Variants in TPO observed in about 807,000 individuals in gnomAD.
TPO encodes thyroid peroxidase.
A neutral mutation model predicts 96.9 loss-of-function variants in TPO; 78 were observed. That is an observed-to-expected ratio of 0.81 (90% confidence interval 0.67 to 0.97). The LOEUF is 0.97. TPO is among the 50% of genes least tolerant of loss of function. The pLI, the probability that TPO is intolerant of heterozygous loss-of-function variation, is 0.00. For missense variants in TPO, 1,252 were observed against 1,274.8 expected (o/e 0.98, Z 0.27); for synonymous variants, 547 against 538.0 (o/e 1.02, Z -0.23).
At chr2:1,392,613 G>A (rs374075743) in intron 1 of TPO, among the ~76,000 whole-genome samples, 4 of 152,256 alleles carry the variant, frequency 2.6e-5, no homozygotes, top group Non-Finnish European at 5.9e-5. Context: ...GGTAGAATTC[G>A]GCTGTGAATC....
intron 5 of TPO, among the ~76,000 whole-genome samples, chr2:1,440,606 A>T (rs1247658636): frequency 6.6e-6 from 1 of 152,044 alleles, no homozygotes; most frequent in Non-Finnish European, 1.5e-5. Context: ...TCTTGTTTGT[A>T]TGAAGTGGTC....
chr2:1,486,962 C>G (rs573067343), intron 9 of TPO, among the ~76,000 whole-genome samples: 1 of 152,224 alleles, frequency 6.6e-6, no homozygotes, highest in Non-Finnish European at 1.5e-5. Flanking sequence ...CGATGCATGT[C>G]GTGATTTCTA....
chr2:1,478,672 C>T (rs1028871203), intron 8 of TPO, among the ~76,000 whole-genome samples: 4 of 152,240 alleles, frequency 2.6e-5, no homozygotes, highest in African/African-American at 9.6e-5. Context: ...CACACTTCTC[C>T]GGCAAGCACG....
chr2:1,539,095 TC>T (rs1396559530), intron 15 of TPO, among the ~76,000 whole-genome samples: 1 of 152,060 alleles, frequency 6.6e-6, no homozygotes, highest in East Asian at 1.9e-4. Context: ...AAACCTTACT[TC>T]CAGGCAAGGT....
intron 15 of TPO, among the ~76,000 whole-genome samples, chr2:1,533,017 CACT>C (rs1420437197): frequency 3.5e-4 from 39 of 110,278 alleles, no homozygotes; most frequent in African/African-American, 1.4e-3. Flanking sequence ...TCTAGTCCCC[CACT>C]GTGTGCACCC....
chr2:1,503,366 C>T (rs1278908660), intron 13 of TPO, among the ~76,000 whole-genome samples: 1 of 152,238 alleles, frequency 6.6e-6, no homozygotes, highest in Non-Finnish European at 1.5e-5. Context: ...AGCTTCTTTT[C>T]TAAAACTGGC....
chr2:1,375,475 C>T (rs950909882), intron 1 of TPO, among the ~76,000 whole-genome samples: 6 of 151,266 alleles, frequency 4.0e-5, no homozygotes, highest in Non-Finnish European at 7.4e-5. Flanking sequence ...GGGGAAAGAG[C>T]GAGCAGGAGG....
chr2:1,480,415 C>T (rs1459619412), intron 8 of TPO, among the ~76,000 whole-genome samples: 2 of 152,072 alleles, frequency 1.3e-5, no homozygotes, highest in Non-Finnish European at 2.9e-5. Context: ...ATTTTTCTCT[C>T]CCTGGTTCTA....
At chr2:1,502,764 G>A (rs1673003736) in intron 13 of TPO, among the ~76,000 whole-genome samples, 1 of 152,206 alleles carries the variant, frequency 6.6e-6, no homozygotes, top group Non-Finnish European at 1.5e-5. Context: ...GAAAGCCTGA[G>A]ATATCCCTGA....
chr2:1,401,671 T>G lies in TPO; in HGVS notation n.180+27269T>G, dbSNP rs1260435632. ...CTACCTCCTCCTCCTGGCATGGGTT[T>G]GATCCCTAATAAGCATTCTGTACCT... On this transcript the variant is annotated intron_variant and non_coding_transcript_variant, in intron 1 of 5. Coordinates refer to the TPO transcript ENST00000497517. 2.0e-5 allele frequency among the ~76,000 whole-genome samples: 3 copies of G among 152,240 alleles called. No homozygotes were observed. The East Asian group carries it at 5.8e-4, about 29-fold the overall frequency.
intron 14 of TPO, among the ~76,000 whole-genome samples, chr2:1,511,601 A>G (rs1279268273): frequency 1.3e-5 from 2 of 152,212 alleles, no homozygotes; most frequent in Non-Finnish European, 2.9e-5. Flanking sequence ...AGGGGAGGGC[A>G]CGGTTGGCTC....
chr2:1,489,136 A>ACCAGCACATGC (rs1671458717), intron 10 of TPO, among the ~76,000 whole-genome samples: 1 of 142,608 alleles, frequency 7.0e-6, no homozygotes, highest in South Asian at 2.3e-4. Flanking sequence ...CCCACACATG[A>ACCAGCACATGC]CCAGCACATG....
chr2:1,409,119 C>T (rs1267603102), upstream of TPO, among the ~76,000 whole-genome samples: 1 of 152,156 alleles, frequency 6.6e-6, no homozygotes, highest in Non-Finnish European at 1.5e-5. Context: ...AGAGGAGCCT[C>T]ACATGGGGAC....
intron 14 of TPO, among the ~76,000 whole-genome samples, chr2:1,506,339 A>AAC (rs1168106693): frequency 6.6e-6 from 1 of 150,938 alleles, no homozygotes; most frequent in East Asian, 1.9e-4. Context: ...TGCTGCAATA[A>AAC]ACATATGTGT....
intron 3 of TPO, among the ~76,000 whole-genome samples, chr2:1,431,947 C>T (rs1434004280): frequency 2.6e-5 from 4 of 152,244 alleles, no homozygotes; most frequent in Non-Finnish European, 5.9e-5. Flanking sequence ...GCGTCTGACA[C>T]TCGCACACCT....
At chr2:1,500,250 T>G (rs955234015) in intron 13 of TPO, among the ~76,000 whole-genome samples, 6 of 152,228 alleles carry the variant, frequency 3.9e-5, no homozygotes, top group African/African-American at 1.4e-4. Context: ...CTCGGCAGCC[T>G]GAGATGGGGA....
intron 14 of TPO, among the ~76,000 whole-genome samples, chr2:1,511,276 T>C (rs1573488254): frequency 8.5e-6 from 1 of 117,828 alleles, no homozygotes; most frequent in African/African-American, 3.3e-5. Context: ...AGACTGGGGG[T>C]GCCACAGCGC....
intron 15 of TPO, among the ~76,000 whole-genome samples, chr2:1,526,442 A>G (rs1213642190): frequency 8.2e-5 from 7 of 85,178 alleles, no homozygotes; most frequent in Non-Finnish European, 1.1e-4. Context: ...AAATCCCCCA[A>G]CTGTGTGCAA....
At chr2:1,439,125 C>A in intron 5 of TPO, 1 of 390,730 alleles carries the variant, frequency 2.6e-6, no homozygotes, top group Non-Finnish European at 4.6e-6. Context: ...TGAGTTCCTG[C>A]TCGGCCCTTC....
Sources: allele counts gnomAD v4.1 joint callset (sites outside exome capture counted in the v4.1 genomes callset), GRCh38; gene constraint gnomAD v4.1.1; transcripts MANE v1.5; gene names NCBI Gene and HGNC (gene_info 2026-07-23, HGNC 2026-07-21).